Variants in CCSER1 observed in about 807,000 individuals in gnomAD.
The protein encoded by CCSER1 is serine-rich coiled-coil domain-containing protein 1.
In CCSER1, 41 loss-of-function variants were observed where a neutral mutation model predicts 82.0. The ratio of observed to expected loss-of-function variants is 0.50; its 90% CI spans 0.39 to 0.65. The LOEUF (loss-of-function observed/expected upper bound fraction) is 0.65. Among genes scored for constraint, CCSER1 ranks in the 30% least tolerant of loss-of-function variants. CCSER1 has a pLI of 0.00. For missense variants in CCSER1, 1,119 were observed against 1,064.2 expected (o/e 1.05, Z -0.72); for synonymous variants, 414 against 383.9 (o/e 1.08, Z -0.92).
At chr4:91,084,798 T>C (rs888601391) in intron 9 of CCSER1, among the ~76,000 whole-genome samples, 2 of 152,108 alleles carry the variant, frequency 1.3e-5, no homozygotes, top group African/African-American at 4.8e-5. Context: ...GTAGTAAAGC[T>C]ACTGTTTAAA....
chr4:90,330,270 A>G (rs1739041375), intron 3 of CCSER1, among the ~76,000 whole-genome samples: 1 of 152,212 alleles, frequency 6.6e-6, no homozygotes, highest in African/African-American at 2.4e-5. Flanking sequence ...GAGGGTAACC[A>G]GCTGTCAGAT....
chr4:90,977,320 G>C (rs927036554), intron 9 of CCSER1, among the ~76,000 whole-genome samples: 1 of 151,380 alleles, frequency 6.6e-6, no homozygotes, highest in Admixed American at 6.6e-5. Flanking sequence ...TTAAGCCATT[G>C]ACTAATTATG....
intron 9 of CCSER1, among the ~76,000 whole-genome samples, chr4:90,929,517 C>G (rs1195110021): frequency 6.6e-6 from 1 of 152,164 alleles, no homozygotes; most frequent in East Asian, 1.9e-4. Flanking sequence ...TTTTTAAAAT[C>G]TTGAATCTTT....
chr4:90,954,978 T>G (rs1449825075), intron 9 of CCSER1, among the ~76,000 whole-genome samples: 1 of 152,198 alleles, frequency 6.6e-6, no homozygotes, highest in Non-Finnish European at 1.5e-5. Context: ...ACTTTTATGC[T>G]TAGTGTTTCA....
At chr4:91,155,652 T>C (rs1280768674) in intron 10 of CCSER1, among the ~76,000 whole-genome samples, 1 of 152,004 alleles carries the variant, frequency 6.6e-6, no homozygotes, top group Non-Finnish European at 1.5e-5. Flanking sequence ...CTTCTCTCTT[T>C]TACTTGCTAT....
chr4:90,166,495 G>A (rs548509694), intron 1 of CCSER1, among the ~76,000 whole-genome samples: 24 of 151,958 alleles, frequency 1.6e-4, no homozygotes, highest in African/African-American at 5.8e-4. Flanking sequence ...GAGGTATTTT[G>A]TTTATATTAT....
At chr4:90,616,277 C>CAA (rs1349818647) in intron 5 of CCSER1, among the ~76,000 whole-genome samples, 2 of 151,792 alleles carry the variant, frequency 1.3e-5, no homozygotes, top group Non-Finnish European at 2.9e-5. Flanking sequence ...GCCTGTATAC[C>CAA]AAAATTATTA....
intron 1 of CCSER1, among the ~76,000 whole-genome samples, chr4:90,175,761 A>G (rs184999975): frequency 2.0e-5 from 3 of 152,162 alleles, no homozygotes; most frequent in Admixed American, 2.0e-4. Context: ...TAGGTCAGTT[A>G]TCTGTCAAGA....
At chr4:90,837,943 G>GT (rs1001022261) in intron 8 of CCSER1, among the ~76,000 whole-genome samples, 2 of 152,024 alleles carry the variant, frequency 1.3e-5, no homozygotes, top group African/African-American at 4.8e-5. Flanking sequence ...TTGGTGCTTA[G>GT]TTTTTTTAGA....
intron 9 of CCSER1, among the ~76,000 whole-genome samples, chr4:91,075,731 A>C (rs1471713817): frequency 6.6e-6 from 1 of 152,182 alleles, no homozygotes; most frequent in Non-Finnish European, 1.5e-5. Flanking sequence ...GGTATATATA[A>C]GTGAACACAA....
chr4:90,736,098 T>C (rs1745597529), intron 7 of CCSER1, among the ~76,000 whole-genome samples: 1 of 152,126 alleles, frequency 6.6e-6, no homozygotes, highest in African/African-American at 2.4e-5. Flanking sequence ...TAAACAAAAT[T>C]GTAAGACTTG....
intron 8 of CCSER1, among the ~76,000 whole-genome samples, chr4:90,903,712 C>T (rs541648939): frequency 1.3e-5 from 2 of 152,034 alleles, no homozygotes; most frequent in African/African-American, 4.8e-5. Context: ...TTGGCAGGTG[C>T]CTGTAATCCC....
rs929521667 is a variant in CCSER1, at chr4:90,945,823, AT to A, written c.2172+22385del. Among the ~76,000 whole-genome samples, 4 of 151,332 alleles carry A rather than the reference AT, an allele frequency of 2.6e-5. No homozygotes were observed. In the South Asian group the frequency reaches 6.3e-4, roughly 24 times the overall value. On this transcript the variant is annotated intron_variant, in intron 9 of 10. Transcript: ENST00000509176. ...ACTCTACAGTTCAATAATGGCTAAC[AT>A]TTTTTTTTAATCTATGTCAGGGGTT...
chr4:90,375,286 T>C (rs1457572155), intron 3 of CCSER1, among the ~76,000 whole-genome samples: 1 of 152,152 alleles, frequency 6.6e-6, no homozygotes, highest in Middle Eastern at 3.2e-3. Context: ...CGGGTCTGTG[T>C]TGGATTTAAT....
At chr4:90,249,827 T>G (rs1053648714) in intron 1 of CCSER1, among the ~76,000 whole-genome samples, 2 of 152,146 alleles carry the variant, frequency 1.3e-5, no homozygotes, top group Non-Finnish European at 2.9e-5. Flanking sequence ...AACATGTTTT[T>G]CAACACACTT....
In CCSER1 at chr4:90,923,391, A is replaced by T; in HGVS notation, c.2116A>T (p.Lys706Ter). Residue 706 changes from lysine to a stop codon, truncating the protein, a stop_gained, in exon 9 of 11, where the codon AAG becomes TAG. Transcript: ENST00000509176. LOFTEE classifies it high-confidence loss of function. ...EELGKVRHLQ[K>*]AFASRVDKST... ...GCAGGGAAAAGTCCGGCATTTACAG[A>T]AGGCTTTTGCTTCAAGAGTAGATAA... is the stretch of plus-strand genomic sequence containing the variant. The T allele has an allele frequency of 1.3e-6, 2 of 1,551,466 alleles. No individual in the cohort carries two copies. Among genetic ancestry groups the T allele is most frequent in the Non-Finnish European group, 1.7e-6 (2 of 1,146,810 alleles).
intron 9 of CCSER1, among the ~76,000 whole-genome samples, chr4:90,941,678 CT>C (rs1731599937): frequency 6.6e-6 from 1 of 152,140 alleles, no homozygotes; most frequent in Non-Finnish European, 1.5e-5. Flanking sequence ...TATAATCACT[CT>C]CTCTAAAACA....
intron 9 of CCSER1, among the ~76,000 whole-genome samples, chr4:90,961,847 A>C (rs971970543): frequency 6.6e-5 from 10 of 152,084 alleles, no homozygotes; most frequent in African/African-American, 1.9e-4. Flanking sequence ...CTGATCTGAA[A>C]GTTGACAATA....
chr4:90,821,847 G>A (rs952457511), intron 8 of CCSER1, among the ~76,000 whole-genome samples: 2 of 151,990 alleles, frequency 1.3e-5, no homozygotes, highest in Admixed American at 6.6e-5. Context: ...ATACTGAAGG[G>A]CACTGTAAAT....
Sources: allele counts gnomAD v4.1 joint callset (sites outside exome capture counted in the v4.1 genomes callset), GRCh38; gene constraint gnomAD v4.1.1; transcripts MANE v1.5; gene names NCBI Gene and HGNC (gene_info 2026-07-23, HGNC 2026-07-21).